The following SEPTIN3 variants were observed in gnomAD, a reference collection of about 807,000 sequenced individuals.
SEPTIN3 encodes neuronal-specific septin-3.
SEPTIN3 carries 15 observed loss-of-function variants against 45.1 expected under a neutral mutation model. The ratio of observed to expected loss-of-function variants is 0.33; its 90% CI spans 0.22 to 0.51. SEPTIN3 has a LOEUF of 0.51. SEPTIN3 is among the 20% of genes least tolerant of loss of function. The probability of loss-of-function intolerance (pLI) is 0.97; values close to 1 mark genes in which losing one functional copy is unlikely to be tolerated. For synonymous variants in SEPTIN3, 148 were observed against 164.8 expected (o/e 0.90, Z 0.78); for missense variants, 289 against 457.2 (o/e 0.63, Z 3.35).
chr22:41,973,189 A>T lies in SEPTIN3; in HGVS notation c.1504+193A>T, dbSNP rs568441073. Reference sequence around the variant, plus strand: ...GGGACTGTACCCTGAGCTGGGTTCTAACCTGCCAGTCTGAGGTCAGGCTGA... The same window carrying T: ...GGGACTGTACCCTGAGCTGGGTTCTTACCTGCCAGTCTGAGGTCAGGCTGA... On this transcript the variant is annotated intron_variant, in intron 2 of 11. Transcript: ENST00000644076. Among the ~76,000 whole-genome samples, 8 of 152,204 alleles carry T rather than the reference A, an allele frequency of 5.3e-5. No individual in the cohort carries two copies. The East Asian group carries it at 1.2e-3, about 22-fold the overall frequency.
intron 11 of SEPTIN3, chr22:41,995,186 G>C: frequency 9.7e-7 from 1 of 1,028,300 alleles, no homozygotes; most frequent in African/African-American, 1.7e-5. Flanking sequence ...GATTCTCCAA[G>C]GACAGATGGC....
chr22:41,990,745 CAAAAAAAAAA>C (rs71184855), intron 7 of SEPTIN3, among the ~76,000 whole-genome samples: 1 of 96,544 alleles, frequency 1.0e-5, no homozygotes, highest in Non-Finnish European at 1.9e-5. Context: ...CACTCTATCT[CAAAAAAAAAA>C]AAAAAAAAAA....
chr22:41,984,139 A>G (rs998307510), intron 3 of SEPTIN3, among the ~76,000 whole-genome samples: 4 of 152,124 alleles, frequency 2.6e-5, no homozygotes, highest in Non-Finnish European at 5.9e-5. Flanking sequence ...AATCAGCAGG[A>G]ATGAGAAATG....
chr22:41,988,006 A>G (rs531799204), intron 6 of SEPTIN3, among the ~76,000 whole-genome samples: 84 of 152,148 alleles, frequency 5.5e-4, no homozygotes, highest in Non-Finnish European at 8.8e-4. Flanking sequence ...ATATCTGCCC[A>G]CTGGTGTCCC....
chr22:41,989,286 A>T (rs2078261882), intron 6 of SEPTIN3, among the ~76,000 whole-genome samples: 1 of 152,188 alleles, frequency 6.6e-6, no homozygotes, highest in African/African-American at 2.4e-5. Flanking sequence ...AGGAGAAAGA[A>T]ATCCCTGAGT....
chr22:41,984,685 T>C (rs923073892), intron 3 of SEPTIN3, among the ~76,000 whole-genome samples: 2 of 150,508 alleles, frequency 1.3e-5, no homozygotes, highest in Middle Eastern at 3.5e-3. Context: ...TGTGCCACCA[T>C]GCCCGGCTAA....
intron 7 of SEPTIN3, among the ~76,000 whole-genome samples, chr22:41,990,421 A>G (rs953313392): frequency 2.0e-5 from 3 of 151,738 alleles, no homozygotes; most frequent in Admixed American, 6.6e-5. Context: ...GCGATTTGAG[A>G]GAAATGAAAA....
At position 41,971,725 on chromosome 22, in the gene SEPTIN3, G is replaced by A. The variant is rs1036671699; in HGVS notation, c.233G>A (p.Arg78Gln). The change falls in exon 2 of 12, where the codon CGG (arginine) becomes CAG (glutamine). Residue 78 changes from arginine to glutamine, a missense_variant. By Grantham distance (43) the Arg-to-Gln change is conservative. Coordinates refer to ENST00000644076, the MANE Select transcript of SEPTIN3 (RefSeq NM_001363845.2). ...SSRLGLGARTRSVPPQETGIA... is the reference protein window; with the variant it reads ...SSRLGLGARTQSVPPQETGIA... ...CGGCTGGGCCTTGGAGCCAGGACCC[G>A]GAGTGTGCCCCCACAGGAGACGGGC... 1.8e-5 allele frequency: 7 copies of A among 399,038 alleles called. No individual in the cohort carries two copies. The highest frequency in any genetic ancestry group is 1.4e-4 in the East Asian group (4 of 28,078). 24.7% of individuals were successfully genotyped at this position (399,038 alleles called of 1,614,324 possible).
chr22:41,981,276 T>C (rs1425197417), intron 2 of SEPTIN3: 1 of 193,092 alleles, frequency 5.2e-6, no homozygotes, highest in Non-Finnish European at 1.1e-5. Flanking sequence ...CATCCTGTAA[T>C]GCATGTGACA....
intron 5 of SEPTIN3, 77 bp from the exon 6 acceptor site, chr22:41,987,545 T>C (rs575778203): frequency 3.3e-6 from 5 of 1,504,876 alleles, no homozygotes; most frequent in South Asian, 1.2e-5. Flanking sequence ...TGTAAGGAGA[T>C]TGCTACCAGA....
intron 5 of SEPTIN3, 28 bp from the exon 6 acceptor site, chr22:41,987,594 G>C (rs772911140): frequency 6.3e-7 from 1 of 1,596,310 alleles, no homozygotes; most frequent in Admixed American, 1.7e-5. Flanking sequence ...TTCTTCTGAT[G>C]CATCTATCTA....
intron 2 of SEPTIN3, among the ~76,000 whole-genome samples, chr22:41,980,932 A>C (rs1034518996): frequency 1.3e-5 from 2 of 152,034 alleles, no homozygotes. Context: ...AGACACCCCT[A>C]CTCTGCAGTG....
chr22:41,990,771 AACTT>A (rs930724755), intron 7 of SEPTIN3, among the ~76,000 whole-genome samples: 36 of 139,412 alleles, frequency 2.6e-4, no homozygotes, highest in Non-Finnish European at 5.0e-4. Context: ...AAAAAAAAGA[AACTT>A]ACAATTGGCT....
chr22:41,982,055 A>G (rs1230114720), intron 3 of SEPTIN3: 1 of 568,814 alleles, frequency 1.8e-6, no homozygotes, highest in Non-Finnish European at 3.1e-6. Flanking sequence ...CCAGCCCCCC[A>G]TCACCAGCTC....
At chr22:41,983,696 C>A (rs1439824683) in intron 3 of SEPTIN3, among the ~76,000 whole-genome samples, 2 of 152,196 alleles carry the variant, frequency 1.3e-5, no homozygotes, top group Non-Finnish European at 2.9e-5. Flanking sequence ...TTGAAATCAA[C>A]CTTCCGGTTT....
rs560266023 is a variant in SEPTIN3 at position 41,977,772 on chromosome 22, A to G, written c.1505-3873A>G. On this transcript the variant is annotated intron_variant, in intron 2 of 11. Transcript: ENST00000644076. ...CTCCCCCAGCTGCTACCTTCCTAAC[A>G]CAGGGGTGGGGTCCCTGGGCCAGAC... is the stretch of plus-strand genomic sequence containing the variant. Among the ~76,000 whole-genome samples the G allele has an allele frequency of 2.4e-4, 36 of 152,260 alleles. 1 individual carries two copies. The highest frequency in any genetic ancestry group is 2.3e-3 in the South Asian group (11 of 4,816).
intron 11 of SEPTIN3, chr22:41,996,575 G>T: frequency 9.2e-7 from 1 of 1,090,382 alleles, no homozygotes; most frequent in Non-Finnish European, 1.1e-6. Flanking sequence ...TTTCCTGGAG[G>T]CTGCCAACCC....
intron 5 of SEPTIN3, 149 bp downstream of exon 5, chr22:41,987,436 C>A: frequency 2.8e-6 from 3 of 1,080,792 alleles, no homozygotes; most frequent in Non-Finnish European, 2.7e-6. Context: ...GGGAGCTCCA[C>A]CCCTGCTAAC....
intron 6 of SEPTIN3, among the ~76,000 whole-genome samples, chr22:41,988,301 A>G (rs998776650): frequency 1.2e-4 from 18 of 152,160 alleles, no homozygotes; most frequent in Admixed American, 1.2e-3. Flanking sequence ...AGAATAAGAC[A>G]CACACAAGCA....
Sources: allele counts gnomAD v4.1 joint callset (sites outside exome capture counted in the v4.1 genomes callset), GRCh38; gene constraint gnomAD v4.1.1; transcripts MANE v1.5; gene names NCBI Gene and HGNC (gene_info 2026-07-23, HGNC 2026-07-21).